The following NANS variants were observed in gnomAD, a reference collection of about 807,000 sequenced individuals.
The protein encoded by NANS is N-acetylneuraminate-9-phosphate synthase.
In NANS, 29 loss-of-function variants were observed where a neutral mutation model predicts 33.3. That is an observed-to-expected ratio of 0.87 (90% CI 0.65 to 1.19). The LOEUF (loss-of-function observed/expected upper bound fraction) is 1.19, where lower values mean the gene tolerates loss of function less well. Among genes scored for constraint, NANS ranks in the 50% most tolerant of loss-of-function variants. The probability of loss-of-function intolerance (pLI) is 0.00; values close to 1 mark genes in which losing one functional copy is unlikely to be tolerated. For missense variants in NANS, 394 were observed against 461.1 expected (o/e 0.85, Z 1.33); for synonymous variants, 163 against 177.2 (o/e 0.92, Z 0.64).
chr9:98,071,912 G>A (rs1421209480), intron 2 of NANS, among the ~76,000 whole-genome samples: 1 of 152,220 alleles, frequency 6.6e-6, no homozygotes, highest in South Asian at 2.1e-4. Context: ...CTGCCAAGGC[G>A]GAGTCACTTC....
intron 2 of NANS, chr9:98,076,646 A>G (rs1829605141): frequency 1.8e-5 from 7 of 393,168 alleles, no homozygotes; most frequent in Non-Finnish European, 2.3e-5. Context: ...AAGTGCAGGC[A>G]TGAGCCACCA....
chr9:98,060,730 T>G, intron 1 of NANS, 52 bp from the exon 2 acceptor site: 2 of 1,579,952 alleles, frequency 1.3e-6, no homozygotes, highest in East Asian at 4.5e-5. Context: ...ATTTTTTCCT[T>G]TTTTTGAGAA....
chr9:98,057,902 G>GTT (rs60923228), intron 1 of NANS, among the ~76,000 whole-genome samples: 2 of 93,228 alleles, frequency 2.1e-5, no homozygotes, highest in Admixed American at 1.5e-4. Context: ...TTCTCTTACT[G>GTT]TTTTTTTTTT....
chr9:98,077,434 T>C (rs974816857), intron 3 of NANS, among the ~76,000 whole-genome samples: 3 of 152,030 alleles, frequency 2.0e-5, no homozygotes, highest in African/African-American at 7.3e-5. Context: ...GGTCTTGAAC[T>C]CCTGGATTCA....
intron 3 of NANS, 56 bp from the exon 4 acceptor site, chr9:98,078,137 G>C (rs754808486): frequency 1.2e-6 from 2 of 1,609,920 alleles, no homozygotes; most frequent in Non-Finnish European, 1.7e-6. Flanking sequence ...ATGTGTTGGG[G>C]AGAGTCAGAA....
chr9:98,067,029 C>A (rs1049605670), intron 2 of NANS, among the ~76,000 whole-genome samples: 1 of 152,120 alleles, frequency 6.6e-6, no homozygotes, highest in Non-Finnish European at 1.5e-5. Flanking sequence ...GTCCTTCGAG[C>A]CTGACTTCTT....
At position 98,065,483 on chromosome 9, in the gene NANS, A is replaced by ATTTTTTTTTTTTTT. The variant is rs397837187; in HGVS notation, c.348+4500_348+4513dup. 2.5e-3 allele frequency among the ~76,000 whole-genome samples: 144 copies of ATTTTTTTTTTTTTT among 58,634 alleles called. 3 individuals are homozygous for ATTTTTTTTTTTTTT. Among genetic ancestry groups the ATTTTTTTTTTTTTT allele is most frequent in the African/African-American group, 6.6e-3 (70 of 10,534 alleles). The allele number at this position is 58,634 out of a possible 152,430, so 38.5% of individuals were successfully genotyped here. A position where few individuals can be genotyped will look rare whatever the true frequency, so the allele number is the denominator to read the frequency against. On this transcript the variant is annotated intron_variant, in intron 2 of 5. Coordinates refer to ENST00000210444, the MANE Select transcript of NANS (RefSeq NM_018946.4). ...AGGCGTCCACCACCATGCCCAGCTA[A>ATTTTTTTTTTTTTT]TTTTTTTTTTTTTTTTTTTTTTTTT...
intron 2 of NANS, among the ~76,000 whole-genome samples, chr9:98,071,256 AC>A (rs1281701418): frequency 1.3e-5 from 2 of 151,914 alleles, no homozygotes; most frequent in Non-Finnish European, 2.9e-5. Context: ...TATGGTACAT[AC>A]CCCCGACTGT....
chr9:98,063,895 G>T lies in NANS; in HGVS notation c.348+2898G>T, dbSNP rs113801530. On this transcript the variant is annotated intron_variant, in intron 2 of 5. Transcript: ENST00000210444. ...GAGATAGACATCTTTTCTCTGTTTG[G>T]GGTTGTTTCCTTAAGATGGCTTCTT... Among the ~76,000 whole-genome samples, 828 of 152,216 alleles carry T rather than the reference G, an allele frequency of 5.4e-3. 7 individuals carry two copies. The highest frequency in any genetic ancestry group is 0.019 in the African/African-American group (790 of 41,526).
At chr9:98,062,852 T>C (rs1220602096) in intron 2 of NANS, among the ~76,000 whole-genome samples, 1 of 151,150 alleles carries the variant, frequency 6.6e-6, no homozygotes, top group African/African-American at 2.4e-5. Flanking sequence ...CTCTGTGTTC[T>C]TTCTTACAGC....
chr9:98,060,379 G>T (rs1345907996), intron 1 of NANS, among the ~76,000 whole-genome samples: 2 of 152,086 alleles, frequency 1.3e-5, no homozygotes, highest in Non-Finnish European at 2.9e-5. Context: ...TTTAAAGATG[G>T]TGATGTCGGC....
chr9:98,056,982 A>C (rs950332298), intron 1 of NANS, 42 bp downstream of exon 1: 2 of 1,531,538 alleles, frequency 1.3e-6, no homozygotes, highest in Non-Finnish European at 1.8e-6. Context: ...GGGCGCCGGG[A>C]GGGGCGGGGC....
rs754197886 is a variant in NANS at position 98,056,958 on chromosome 9, G to T, written c.132+18G>T. 4 of 1,562,950 alleles carry T rather than the reference G, an allele frequency of 2.6e-6. No individual in the cohort carries two copies. In the East Asian group the frequency reaches 7.3e-5, roughly 28 times the overall value. On this transcript the variant is annotated intron_variant, in intron 1 of 5. Coordinates refer to ENST00000210444, the MANE Select transcript of NANS (RefSeq NM_018946.4). The stretch of plus-strand genomic sequence containing the variant: ...TGGCCAAGGTGAGGCGGCAGCTCCC[G>T]GGACCCGGGATTCGGGCGCCGGGAG...
At chr9:98,063,606 A>G (rs749076061) in intron 2 of NANS, among the ~76,000 whole-genome samples, 2 of 151,456 alleles carry the variant, frequency 1.3e-5, no homozygotes, top group Admixed American at 6.6e-5. Flanking sequence ...CAACGATGCA[A>G]TCATAGCTTA....
chr9:98,080,586 A>C (rs1446301341), intron 4 of NANS, among the ~76,000 whole-genome samples: 1 of 152,212 alleles, frequency 6.6e-6, no homozygotes, highest in Non-Finnish European at 1.5e-5. Flanking sequence ...AACAGTAACC[A>C]TTTTTAGAGC....
chr9:98,064,527 A>T (rs954648589), intron 2 of NANS, among the ~76,000 whole-genome samples: 10 of 152,124 alleles, frequency 6.6e-5, no homozygotes, highest in Admixed American at 5.9e-4. Flanking sequence ...AAGTTCTGGG[A>T]TTACAGGTGT....
intron 1 of NANS, 36 bp from the exon 2 acceptor site, chr9:98,060,746 G>A (rs889657267): frequency 3.7e-6 from 6 of 1,601,330 alleles, no homozygotes; most frequent in Middle Eastern, 1.7e-4. Context: ...GAGAATCTAC[G>A]ACAGTCACTG....
chr9:98,064,209 G>T (rs557091715), intron 2 of NANS, among the ~76,000 whole-genome samples: 1 of 152,208 alleles, frequency 6.6e-6, no homozygotes, highest in African/African-American at 2.4e-5. Flanking sequence ...GCATTCGTAC[G>T]CATGACATTC....
At chr9:98,059,248 C>T (rs1476024886) in intron 1 of NANS, among the ~76,000 whole-genome samples, 1 of 152,146 alleles carries the variant, frequency 6.6e-6, no homozygotes, top group Non-Finnish European at 1.5e-5. Context: ...TGGTCTCGAT[C>T]TCCTGACCTC....
Sources: allele counts gnomAD v4.1 joint callset (sites outside exome capture counted in the v4.1 genomes callset), GRCh38; gene constraint gnomAD v4.1.1; transcripts MANE v1.5; gene names NCBI Gene and HGNC (gene_info 2026-07-23, HGNC 2026-07-21).